The following CNTN5 variants were observed in gnomAD, a reference collection of about 807,000 sequenced individuals.
CNTN5 encodes contactin-5.
In CNTN5, 77 loss-of-function variants were observed where a neutral mutation model predicts 129.1. That is an observed-to-expected ratio of 0.60 (90% CI 0.50 to 0.72). CNTN5 has a LOEUF of 0.72. CNTN5 is among the 30% of genes least tolerant of loss of function. CNTN5 has a pLI of 0.00. For missense variants in CNTN5, 1,478 were observed against 1,328.8 expected, an observed-to-expected ratio of 1.11 and a Z score of -1.75; for synonymous variants, 509 against 465.6, an observed-to-expected ratio of 1.09 and a Z score of -1.20.
At chr11:99,497,965 A>G (rs985424824) in intron 2 of CNTN5, among the ~76,000 whole-genome samples, 1 of 151,918 alleles carries the variant, frequency 6.6e-6, no homozygotes, top group African/African-American at 2.4e-5. Flanking sequence ...TCATCAGACA[A>G]TTTTTTCTAG....
intron 3 of CNTN5, among the ~76,000 whole-genome samples, chr11:99,778,793 A>G (rs926559221): frequency 2.0e-5 from 3 of 151,930 alleles, no homozygotes; most frequent in Non-Finnish European, 4.4e-5. Flanking sequence ...TTCAAAAACT[A>G]TATCAATAAA....
intron 3 of CNTN5, among the ~76,000 whole-genome samples, chr11:99,637,598 G>A (rs1220071637): frequency 1.3e-5 from 2 of 151,912 alleles, no homozygotes; most frequent in Non-Finnish European, 2.9e-5. Context: ...TTAAGTAGTA[G>A]GAAATGGGCA....
At chr11:99,489,254 G>A (rs1591150919) in intron 2 of CNTN5, among the ~76,000 whole-genome samples, 3 of 152,044 alleles carry the variant, frequency 2.0e-5, no homozygotes, top group Admixed American at 2.0e-4. Flanking sequence ...TAGTTTAAGT[G>A]GCATTCAGGT....
chr11:99,025,376 A>G (rs1379710432), intron 1 of CNTN5, among the ~76,000 whole-genome samples: 1 of 151,922 alleles, frequency 6.6e-6, no homozygotes, highest in Admixed American at 6.6e-5. Context: ...ATTCTCTTTC[A>G]TAACCATTGA....
At chr11:100,345,322 C>T (rs1242034247) in intron 23 of CNTN5, among the ~76,000 whole-genome samples, 2 of 152,064 alleles carry the variant, frequency 1.3e-5, no homozygotes, top group Non-Finnish European at 2.9e-5. Context: ...CCAACAACCA[C>T]GAGAAGCCTC....
chr11:100,081,199 A>G (rs1293096212), intron 13 of CNTN5, among the ~76,000 whole-genome samples: 1 of 152,106 alleles, frequency 6.6e-6, no homozygotes, highest in African/African-American at 2.4e-5. Flanking sequence ...ATTATATTTT[A>G]TTAGAAAAAT....
At chr11:99,486,075 T>C (rs575477031) in intron 2 of CNTN5, among the ~76,000 whole-genome samples, 31 of 152,196 alleles carry the variant, frequency 2.0e-4, no homozygotes, top group Non-Finnish European at 4.1e-4. Flanking sequence ...ATTTTTACTG[T>C]ATAATACGTT....
intron 3 of CNTN5, among the ~76,000 whole-genome samples, chr11:99,592,176 A>C (rs545696880): frequency 6.6e-6 from 1 of 152,276 alleles, no homozygotes; most frequent in South Asian, 2.1e-4. Context: ...GAGTCTCCAG[A>C]AGTCAGTGAT....
intron 13 of CNTN5, among the ~76,000 whole-genome samples, chr11:100,122,727 G>A (rs1946066723): frequency 1.3e-5 from 2 of 152,050 alleles, no homozygotes; most frequent in Non-Finnish European, 1.5e-5. Flanking sequence ...TTGTCAGAGG[G>A]GAGGTCAGAG....
chr11:100,177,372 G>A (rs576460435), intron 13 of CNTN5, among the ~76,000 whole-genome samples: 5 of 152,024 alleles, frequency 3.3e-5, no homozygotes, highest in African/African-American at 4.8e-5. Flanking sequence ...TAGTAATTGC[G>A]TGTTTACTTG....
In CNTN5 at chr11:99,322,910, C is replaced by G. The variant is rs182107748; in HGVS notation, c.-209-2436C>G. Reference sequence around the variant, plus strand: ...ATTAAAAAATCACAGCAAAACTATACAAGATAAATGTATGTTGACCTATGG... The same window carrying G: ...ATTAAAAAATCACAGCAAAACTATAGAAGATAAATGTATGTTGACCTATGG... On this transcript the variant is annotated intron_variant, in intron 1 of 24. Transcript: ENST00000524871. Among the ~76,000 whole-genome samples the G allele has an allele frequency of 4.4e-4, 67 of 152,192 alleles. 1 individual carries two copies. The East Asian group carries it at 8.7e-3, about 20-fold the overall frequency.
chr11:99,072,128 G>C (rs1865363659), intron 1 of CNTN5, among the ~76,000 whole-genome samples: 1 of 152,024 alleles, frequency 6.6e-6, no homozygotes, highest in African/African-American at 2.4e-5. Context: ...ATAGAAAAGT[G>C]ACAGTTGATT....
intron 8 of CNTN5, among the ~76,000 whole-genome samples, chr11:99,968,897 G>A (rs570807969): frequency 1.3e-5 from 2 of 151,660 alleles, no homozygotes; most frequent in South Asian, 2.1e-4. Context: ...AAACTCTGCA[G>A]GAATATAGAA....
chr11:99,612,855 G>C (rs184769047), intron 3 of CNTN5, among the ~76,000 whole-genome samples: 3 of 152,304 alleles, frequency 2.0e-5, no homozygotes, highest in Admixed American at 2.0e-4. Flanking sequence ...TGTCAACACT[G>C]TTGTGAAGTG....
intron 3 of CNTN5, among the ~76,000 whole-genome samples, chr11:99,710,601 GTA>G (rs144444258): frequency 0.24 from 30,029 of 123,376 alleles, 2,882 homozygotes; most frequent in Middle Eastern, 0.36. Flanking sequence ...GTGTGTGTGT[GTA>G]TGTATGTATG....
intron 1 of CNTN5, among the ~76,000 whole-genome samples, chr11:99,138,679 C>A (rs1189687663): frequency 1.3e-5 from 2 of 152,116 alleles, no homozygotes; most frequent in Admixed American, 1.3e-4. Flanking sequence ...CTTTTACCTA[C>A]CTCATTAGTT....
chr11:99,999,827 A>C (rs888388980), intron 8 of CNTN5, among the ~76,000 whole-genome samples: 3 of 152,132 alleles, frequency 2.0e-5, no homozygotes, highest in Non-Finnish European at 4.4e-5. Context: ...CTACGCAGCC[A>C]TAAAAAATGA....
At chr11:99,111,615 A>G (rs941849204) in intron 1 of CNTN5, among the ~76,000 whole-genome samples, 5 of 151,962 alleles carry the variant, frequency 3.3e-5, no homozygotes, top group African/African-American at 1.2e-4. Context: ...AATCTATTTT[A>G]CAAATTGAAT....
chr11:99,609,577 A>G (rs1031106736), intron 3 of CNTN5, among the ~76,000 whole-genome samples: 4 of 152,156 alleles, frequency 2.6e-5, no homozygotes, highest in Non-Finnish European at 4.4e-5. Flanking sequence ...AAGAGGAAAG[A>G]AACAGGAATT....
Sources: allele counts gnomAD v4.1 joint callset (sites outside exome capture counted in the v4.1 genomes callset), GRCh38; gene constraint gnomAD v4.1.1; transcripts MANE v1.5; gene names NCBI Gene and HGNC (gene_info 2026-07-23, HGNC 2026-07-21).